Variants in PTPRT observed in about 807,000 individuals in gnomAD.
PTPRT encodes the protein receptor-type tyrosine-protein phosphatase T.
PTPRT carries 56 observed loss-of-function variants against 176.8 expected under a neutral mutation model. The observed-to-expected ratio is 0.32, with a 90% CI of 0.26 to 0.40. PTPRT has a LOEUF of 0.40. Ranked by LOEUF, PTPRT falls within the 10% of genes least tolerant of loss-of-function variation. The probability of loss-of-function intolerance (pLI) is 1.00; values close to 1 mark genes in which losing one functional copy is unlikely to be tolerated. For synonymous variants in PTPRT, 783 were observed against 739.0 expected, an observed-to-expected ratio of 1.06 and a Z score of -0.96; for missense variants, 1,540 against 1,908.2, an observed-to-expected ratio of 0.81 and a Z score of 3.60.
intron 1 of PTPRT, among the ~76,000 whole-genome samples, chr20:43,019,517 G>A (rs1985548256): frequency 1.3e-5 from 2 of 151,570 alleles, no homozygotes; most frequent in African/African-American, 4.9e-5. Flanking sequence ...TACTTGGGAG[G>A]CTGAGGCAGG....
intron 15 of PTPRT, among the ~76,000 whole-genome samples, chr20:42,230,711 T>G (rs73268881): frequency 0.21 from 31,806 of 152,074 alleles, 3,750 homozygotes; most frequent in African/African-American, 0.28. Flanking sequence ...GCTCAGAGTG[T>G]TTCTATGAGT....
chr20:42,642,244 C>G (rs547872662), intron 7 of PTPRT, among the ~76,000 whole-genome samples: 1 of 152,240 alleles, frequency 6.6e-6, no homozygotes, highest in Admixed American at 6.5e-5. Flanking sequence ...GGTGTGGGCT[C>G]AGAATTAGAT....
intron 1 of PTPRT, among the ~76,000 whole-genome samples, chr20:43,039,905 G>A (rs1274523370): frequency 1.3e-5 from 2 of 152,110 alleles, no homozygotes; most frequent in East Asian, 1.9e-4. Flanking sequence ...GCCAGCTGCA[G>A]TGGCATGCGC....
intron 6 of PTPRT, among the ~76,000 whole-genome samples, chr20:42,720,479 T>A (rs1484665432): frequency 1.3e-5 from 2 of 152,070 alleles, no homozygotes; most frequent in Non-Finnish European, 2.9e-5. Context: ...GAAACTGACG[T>A]ATAAGTTAGA....
chr20:42,795,581 GCTCAGCAT>G (rs2077442923), intron 2 of PTPRT, among the ~76,000 whole-genome samples: 3 of 152,232 alleles, frequency 2.0e-5, no homozygotes, highest in Non-Finnish European at 4.4e-5. Context: ...GGCACCAAGA[GCTCAGCAT>G]GGTCCCTGCA....
intron 7 of PTPRT, among the ~76,000 whole-genome samples, chr20:42,655,445 T>C (rs2075108395): frequency 6.6e-6 from 1 of 152,144 alleles, no homozygotes. Context: ...GAGCCGAGAT[T>C]GCACCACTGC....
At chr20:42,081,855 T>C (rs776161306) in intron 30 of PTPRT, 27 bp downstream of exon 30, 40 of 1,613,236 alleles carry the variant, frequency 2.5e-5, no homozygotes, top group African/African-American at 6.7e-5. Context: ...GCCCTGGCTG[T>C]TGGAGAACAG....
chr20:43,179,278 T>C (rs1166601767), intron 1 of PTPRT, among the ~76,000 whole-genome samples: 5 of 152,224 alleles, frequency 3.3e-5, no homozygotes. Context: ...ATCCATATAA[T>C]AACTTACGTG....
At chr20:43,033,328 G>A (rs1007416997) in intron 1 of PTPRT, among the ~76,000 whole-genome samples, 1 of 152,026 alleles carries the variant, frequency 6.6e-6, no homozygotes, top group Admixed American at 6.6e-5. Flanking sequence ...TCCTCCCTTC[G>A]TGTGTTCAGT....
At chr20:42,057,122 C>T in the PTPRT span, among the ~76,000 whole-genome samples, 2 of 152,212 alleles carry the variant, frequency 1.3e-5, no homozygotes, top group African/African-American at 2.4e-5. Context: ...ATCATGAAGA[C>T]AGGCCCATCC....
intron 17 of PTPRT, among the ~76,000 whole-genome samples, chr20:42,154,222 G>T (rs191536130): frequency 6.8e-4 from 104 of 152,274 alleles, no homozygotes; most frequent in African/African-American, 2.3e-3. Context: ...GGTTGCCTGT[G>T]GTGGGATATT....
intron 7 of PTPRT, among the ~76,000 whole-genome samples, chr20:42,481,772 A>T (rs2071388777): frequency 1.6e-5 from 2 of 123,760 alleles, no homozygotes; most frequent in South Asian, 5.3e-4. Flanking sequence ...AACCATACAC[A>T]CACAAACACA....
chr20:42,880,865 G>A (rs1359711887), intron 2 of PTPRT, among the ~76,000 whole-genome samples: 2 of 151,884 alleles, frequency 1.3e-5, no homozygotes, highest in African/African-American at 2.4e-5. Flanking sequence ...AAGTAGTTGT[G>A]GTTTTTGCCA....
chr20:43,047,245 C>T (rs543034281), intron 1 of PTPRT, among the ~76,000 whole-genome samples: 21 of 152,228 alleles, frequency 1.4e-4, no homozygotes, highest in African/African-American at 4.1e-4. Context: ...TTTTATTTGA[C>T]GTCCCAGTGT....
chr20:42,645,764 ATGTGTGTGTGTGTGTG>A (rs59454108), intron 7 of PTPRT, among the ~76,000 whole-genome samples: 1 of 139,480 alleles, frequency 7.2e-6, no homozygotes, highest in Non-Finnish European at 1.6e-5. Flanking sequence ...ATGTGTATTT[ATGTGTGTGTGTGTGTG>A]TGTGTGTGTG....
chr20:43,187,861 AAAG>A (rs1418765348), intron 1 of PTPRT, among the ~76,000 whole-genome samples: 2 of 152,266 alleles, frequency 1.3e-5, no homozygotes, highest in African/African-American at 4.8e-5. Context: ...TAAAAATTGA[AAAG>A]AAGTTCTATT....
At chr20:42,450,294 G>T (rs1319007519) in intron 8 of PTPRT, among the ~76,000 whole-genome samples, 1 of 152,160 alleles carries the variant, frequency 6.6e-6, no homozygotes, top group Non-Finnish European at 1.5e-5. Context: ...TATTTTTAAG[G>T]CTTTTGACAT....
In PTPRT at chr20:42,657,218, G is replaced by A. The variant is rs1017372573; in HGVS notation, c.1153+20648C>T. Among the ~76,000 whole-genome samples, 4 of 152,138 alleles carry A rather than the reference G, an allele frequency of 2.6e-5. No individual in the cohort carries two copies. The East Asian group carries it at 7.7e-4, about 29-fold the overall frequency. On this transcript the variant is annotated intron_variant, in intron 7 of 30. Transcript: ENST00000373187. ...TTGTAGGTTTCCTGAGGCCTCCTAA[G>A]CCCTGTGGAACAGGGAGTCAATTAA... is the stretch of plus-strand genomic sequence containing the variant.
intron 9 of PTPRT, among the ~76,000 whole-genome samples, chr20:42,446,360 T>A (rs1051115959): frequency 1.3e-5 from 2 of 152,218 alleles, no homozygotes; most frequent in Non-Finnish European, 2.9e-5. Context: ...TTATGTCTTT[T>A]ATAAAACGAT....
Sources: gnomAD v4.1 joint callset for allele counts (sites outside exome capture counted in the v4.1 genomes callset) on GRCh38, gnomAD v4.1.1 for gene constraint, MANE v1.5 for transcripts, NCBI Gene and HGNC (gene_info 2026-07-23, HGNC 2026-07-21) for gene names.